LAMA5: variants seen among roughly 807,000 people sequenced by gnomAD.
LAMA5 encodes the protein laminin subunit alpha 5.
In LAMA5, 260 loss-of-function variants were observed where a neutral mutation model predicts 433.4. That is an observed-to-expected ratio of 0.60 (90% CI 0.54 to 0.66). The LOEUF is 0.66. Ranked by LOEUF, LAMA5 falls within the 30% of genes least tolerant of loss-of-function variation. The pLI is 0.00. For missense variants in LAMA5, 5,378 were observed against 5,258.5 expected (o/e 1.02, Z -0.70); for synonymous variants, 2,620 against 2,226.6 (o/e 1.18, Z -4.97).
chr20:62,355,926 C>T (rs933008041), intron 2 of LAMA5, among the ~76,000 whole-genome samples: 2 of 152,186 alleles, frequency 1.3e-5, no homozygotes, highest in African/African-American at 2.4e-5. Flanking sequence ...CTAAAGGTCC[C>T]GACTGAGCCC....
chr20:62,334,484 C>T, intron 21 of LAMA5, 38 bp downstream of exon 21: 3 of 1,529,652 alleles, frequency 2.0e-6, no homozygotes, highest in Non-Finnish European at 2.6e-6. Flanking sequence ...AAGCTGCCTG[C>T]CCCGCTCCCC....
chr20:62,334,000 G>A lies in LAMA5; in HGVS notation c.2779C>T (p.Leu927Phe), dbSNP rs1208042251. 52 of 1,612,952 alleles carry A rather than the reference G, an allele frequency of 3.2e-5. No individual in the cohort carries two copies. Among genetic ancestry groups the A allele is most frequent in the Non-Finnish European group, 4.0e-5 (47 of 1,179,884 alleles). ...ACGTATCGGAAGACGAGCCAGAAAAGGTCAGGGGAGGTCAGGTTCAGCCTG... is the reference window on the plus strand; with the variant it reads ...ACGTATCGGAAGACGAGCCAGAAAAAGTCAGGGGAGGTCAGGTTCAGCCTG... ...VARLNLTSPDLFWLVFRYVNR... is the reference protein window; with the variant it reads ...VARLNLTSPDFFWLVFRYVNR... Residue 927 changes from leucine (L) to phenylalanine (F), a missense_variant, in exon 23 of 80, where the codon CTT (leucine) becomes TTT (phenylalanine). By Grantham distance (22) the Leu-to-Phe change is conservative (BLOSUM62 0). Coordinates refer to ENST00000252999, the MANE Select transcript of LAMA5 (RefSeq NM_005560.6).
intron 6 of LAMA5, among the ~76,000 whole-genome samples, chr20:62,347,558 C>T (rs1983582018): frequency 6.6e-6 from 1 of 152,236 alleles, no homozygotes. Context: ...ATCCTGGTCA[C>T]CTCCCTAGGG....
At chr20:62,327,055 G>C in intron 38 of LAMA5, 89 bp from the exon 39 acceptor site, 3 of 1,166,740 alleles carry the variant, frequency 2.6e-6, no homozygotes, top group Non-Finnish European at 3.7e-6. Context: ...CCCCAGCACA[G>C]AGCCCTGTGC....
Position 62,314,815 on chromosome 20 carries a change from C to T in LAMA5, c.8180G>A (p.Arg2727Gln), listed in dbSNP as rs778000345. ...GRVRELIAQA[R>Q]GAASKVKVPM... The stretch of plus-strand genomic sequence containing the variant: ...CTCACCCACCTTACTGGCAGCCCCC[C>T]GGGCCTGGGCAATGAGCTCTCGCAC... The change falls in exon 60 of 80, where the codon CGG becomes CAG. Residue 2727 changes from arginine (R) to glutamine (Q), a missense_variant. Coordinates refer to ENST00000252999, the MANE Select transcript of LAMA5 (RefSeq NM_005560.6). The T allele has an allele frequency of 5.0e-6, 8 of 1,612,778 alleles. No individual in the cohort carries two copies. Among genetic ancestry groups the T allele is most frequent in the South Asian group, 3.3e-5 (3 of 91,080 alleles).
In LAMA5 at chr20:62,333,248, G is replaced by T; in HGVS notation, c.3129-5C>A. On this transcript the variant is annotated splice_region_variant and splice_polypyrimidine_tract_variant and intron_variant, in intron 25 of 79. Coordinates refer to ENST00000252999, the MANE Select transcript of LAMA5 (RefSeq NM_005560.6). ...AGGTGTGTGTAGAGGAGGCAGCTGG[G>T]GGGACACAGGCCGTGGTCAGCCCCA... 1 of 1,551,330 alleles carries T rather than the reference G, an allele frequency of 6.4e-7. No homozygotes were observed.
intron 6 of LAMA5, among the ~76,000 whole-genome samples, chr20:62,348,392 C>G (rs1006932622): frequency 2.0e-5 from 3 of 152,166 alleles, no homozygotes; most frequent in African/African-American, 7.2e-5. Context: ...ATCACGAGGT[C>G]AGGAGATCGA....
chr20:62,328,716 A>T, intron 34 of LAMA5, 128 bp downstream of exon 34: 1 of 962,478 alleles, frequency 1.0e-6, no homozygotes, highest in African/African-American at 1.7e-5. Context: ...AGGCCCGCAG[A>T]TGGGGCAGCA....
rs968300613 is a variant in LAMA5 at position 62,367,063 on chromosome 20, G to A, written c.183C>T (p.Ser61=). ...CCGGGGCCTCCTCTCCGCAGGTCGC[G>A]GAGGCGGCGATGCGGGCGCCCTCGG... The part of the protein sequence containing the change: ...NLAEGARIAA[S]ATCGEEAPAR... The change falls in exon 1 of 80, where the codon TCC becomes TCT. Residue 61 remains serine, a synonymous_variant. Transcript: ENST00000252999. 2.4e-6 allele frequency: 3 copies of A among 1,263,754 alleles called. No individual in the cohort carries two copies. Among genetic ancestry groups the A allele is most frequent in the Non-Finnish European group, 3.0e-6 (3 of 1,007,182 alleles). 78.3% of individuals were successfully genotyped at this position (1,263,754 alleles called of 1,614,324 possible).
intron 20 of LAMA5, 21 bp downstream of exon 20, chr20:62,335,000 G>A (rs1291181966): frequency 3.1e-6 from 5 of 1,604,396 alleles, no homozygotes; most frequent in South Asian, 2.2e-5. Flanking sequence ...TGTGGTCTGG[G>A]ACGAGCGAGT....
Position 62,310,954 on chromosome 20 carries a change from G to T in LAMA5, c.10229C>A (p.Thr3410Asn). 1 of 1,611,406 alleles carries T rather than the reference G, an allele frequency of 6.2e-7. No individual in the cohort carries two copies. The change falls in exon 74 of 80, where the codon ACT (threonine) becomes AAT (asparagine). Residue 3410 changes from threonine (T) to asparagine (N), a missense_variant. Coordinates refer to ENST00000252999, the MANE Select transcript of LAMA5 (RefSeq NM_005560.6). ...HFVAQMEGLG[T>N]RLRAQSRQRS... is the part of the protein sequence containing the mutation. ...CTGGCGGCTCTGGGCGCGGAGCCGAGTCCCGAGGCCTTCCATCTGTGCAAC... is the reference window on the plus strand; with the variant it reads ...CTGGCGGCTCTGGGCGCGGAGCCGATTCCCGAGGCCTTCCATCTGTGCAAC...
chr20:62,322,667 G>A lies in LAMA5; in HGVS notation c.6156C>T (p.Asp2052=), dbSNP rs963552673. ...CKAGVTGRRC[D]RCQEGHFGFD... ...TACCCCACAGCCCTACCTGGCAGCG[G>A]TCACAGCGCCGCCCAGTCACGCCCG... Residue 2052 remains aspartate (D), a synonymous_variant, in exon 46 of 80, where the codon GAC becomes GAT. Transcript: ENST00000252999. 2 of 1,541,374 alleles carry A rather than the reference G, an allele frequency of 1.3e-6. No homozygotes were observed. Among genetic ancestry groups the A allele is most frequent in the South Asian group, 1.2e-5 (1 of 83,864 alleles).
At chr20:62,337,983 C>A in intron 14 of LAMA5, 33 bp downstream of exon 14, 1 of 1,595,478 alleles carries the variant, frequency 6.3e-7, no homozygotes. Context: ...ATGTGGGTGG[C>A]AGAACCCCTT....
rs1451185960 is a variant in LAMA5 at position 62,319,721 on chromosome 20, C to G, written c.6834G>C (p.Leu2278=). The G allele has an allele frequency of 3.9e-6, 6 of 1,547,766 alleles. No individual in the cohort carries two copies. The highest frequency in any genetic ancestry group is 5.2e-6 in the Non-Finnish European group (6 of 1,147,426). Residue 2278 remains leucine (L), a synonymous_variant, in exon 51 of 80, where the codon CTG becomes CTC. Transcript: ENST00000252999. ...GGTCCACAGCCCGGATGGCCGCCAACAGCGTCTTCGCATGGCCCAGTGTGG... is the reference window on the plus strand; with the variant it reads ...GGTCCACAGCCCGGATGGCCGCCAAGAGCGTCTTCGCATGGCCCAGTGTGG... The part of the protein sequence containing the change: ...TEATLGHAKT[L]LAAIRAVDRT...
In LAMA5 at chr20:62,362,461, C is replaced by A. The variant is rs1461263225; in HGVS notation, c.389G>T (p.Ser130Ile). The A allele has an allele frequency of 3.7e-6, 6 of 1,602,016 alleles. No homozygotes were observed. The highest frequency in any genetic ancestry group is 5.1e-6 in the Non-Finnish European group (6 of 1,173,364). Residue 130 changes from serine to isoleucine, a missense_variant, in exon 2 of 80, where the codon AGT becomes ATT. Coordinates refer to ENST00000252999, the MANE Select transcript of LAMA5 (RefSeq NM_005560.6). Reference protein sequence around the residue: ...AIDGTERWWQSPPLSRGLEYN... With the variant: ...AIDGTERWWQIPPLSRGLEYN... The stretch of plus-strand genomic sequence containing the variant: ...CTCCAGGCCGCGGGACAGCGGTGGA[C>A]TCTGCCACCAGCGCTCCGTGCCATC...
Position 62,330,841 on chromosome 20 carries a change from G to A in LAMA5, c.3754C>T (p.Gln1252Ter). The change falls in exon 30 of 80, where the codon CAG (glutamine) becomes TAG (stop). Residue 1252 changes from glutamine (Q) to a stop codon, truncating the protein, a stop_gained. Transcript: ENST00000252999. LOFTEE classifies it high-confidence loss of function. The part of the protein sequence containing the change: ...LPPGLPLTHA[Q>*]DLTPAMSPAG... ...GGGGACATGGCTGGAGTGAGATCCTGCGCGTGGGTCAGCGGGAGGCCGGGC... is the reference window on the plus strand; with the variant it reads ...GGGGACATGGCTGGAGTGAGATCCTACGCGTGGGTCAGCGGGAGGCCGGGC... 1 of 1,543,510 alleles carries A rather than the reference G, an allele frequency of 6.5e-7. No homozygotes were observed. Among genetic ancestry groups the A allele is most frequent in the Non-Finnish European group, 8.7e-7 (1 of 1,144,182 alleles).
chr20:62,311,630 T>G lies in LAMA5; in HGVS notation c.9790A>C (p.Asn3264His). 1 of 1,604,490 alleles carries G rather than the reference T, an allele frequency of 6.2e-7. No individual in the cohort carries two copies. Among genetic ancestry groups the G allele is most frequent in the Non-Finnish European group, 8.5e-7 (1 of 1,176,792 alleles). Residue 3264 changes from asparagine (N) to histidine (H), a missense_variant, in exon 71 of 80, where the codon AAC becomes CAC. Asn to His is a moderately conservative substitution (Grantham distance 68). Transcript: ENST00000252999. The part of the protein sequence containing the change: ...TIYNFSGCIS[N>H]VFVQRLLGPQ... ...CAGGCTCACCGCTGCACGAAGACGT[T>G]GCTGATGCAGCCACTGAAGTTGTAA...
rs201679986 is a variant in LAMA5 at position 62,331,092 on chromosome 20, G to A, written c.3590C>T (p.Pro1197Leu). ...GCTGACCCGGGGCTCCACGAACTCC[G>A]GGCTGAACTCCTCAATGGGCACCAG... Reference protein sequence around the residue: ...VTLVPIEEFSPEFVEPRVSCI... With the variant: ...VTLVPIEEFSLEFVEPRVSCI... The change falls in exon 29 of 80, where the codon CCG becomes CTG. Residue 1197 changes from proline (P) to leucine (L), a missense_variant. Pro to Leu is a moderately conservative substitution (Grantham distance 98, BLOSUM62 -3). Transcript: ENST00000252999. 2.5e-4 allele frequency: 398 copies of A among 1,603,646 alleles called. 1 individual carries two copies. Among genetic ancestry groups the A allele is most frequent in the Non-Finnish European group, 3.1e-4 (360 of 1,175,584 alleles).
intron 63 of LAMA5, 52 bp downstream of exon 63, chr20:62,313,597 G>T (rs1026151186): frequency 6.2e-7 from 1 of 1,601,222 alleles, no homozygotes; most frequent in South Asian, 1.1e-5. Context: ...GGACACAAGC[G>T]ACTCGGGGCT....
Sources: gnomAD v4.1 joint callset for allele counts (sites outside exome capture counted in the v4.1 genomes callset) on GRCh38, gnomAD v4.1.1 for gene constraint, MANE v1.5 for transcripts, NCBI Gene and HGNC (gene_info 2026-07-23, HGNC 2026-07-21) for gene names.